TNRC6A: variants seen among roughly 807,000 people sequenced by gnomAD.
TNRC6A encodes the protein trinucleotide repeat containing adaptor 6A.
TNRC6A carries 44 observed loss-of-function variants against 221.2 expected under a neutral mutation model. The observed-to-expected ratio is 0.20, with a 90% CI of 0.16 to 0.26. The LOEUF is 0.26. Ranked by LOEUF, TNRC6A falls within the 10% of genes least tolerant of loss-of-function variation. The probability of loss-of-function intolerance (pLI) is 1.00; values close to 1 mark genes in which losing one functional copy is unlikely to be tolerated. For synonymous variants in TNRC6A, 847 were observed against 838.5 expected, an observed-to-expected ratio of 1.01 and a Z score of -0.18; for missense variants, 2,199 against 2,404.4, an observed-to-expected ratio of 0.91 and a Z score of 1.79.
chr16:24,789,602 A>C lies in TNRC6A; in HGVS notation c.960A>C (p.Ile320=), dbSNP rs1396577805. The C allele has an allele frequency of 2.5e-6, 4 of 1,614,152 alleles. No homozygotes were observed. Among genetic ancestry groups the C allele is most frequent in the Middle Eastern group, 1.6e-4 (1 of 6,062 alleles). Residue 320 remains isoleucine (I), a synonymous_variant, in exon 6 of 25, where the codon ATA becomes ATC. Transcript: ENST00000395799. ...CATGGGGTTTTTCCCATGGAGCCAT[A>C]ATAAGCACATGTCAGGTCTCTGTGG... The part of the protein sequence containing the change: ...TGPWGFSHGA[I]ISTCQVSVDA...
At chr16:24,756,932 T>C (rs977630930) in intron 3 of TNRC6A, among the ~76,000 whole-genome samples, 1 of 152,200 alleles carries the variant, frequency 6.6e-6, no homozygotes, top group African/African-American at 2.4e-5. Context: ...AAAAGAAATT[T>C]TCTGCTAATT....
At chr16:24,691,069 C>A (rs564034523) in intron 2 of TNRC6A, among the ~76,000 whole-genome samples, 1 of 152,260 alleles carries the variant, frequency 6.6e-6, no homozygotes, top group African/African-American at 2.4e-5. Flanking sequence ...CTCGGCCTCC[C>A]AAAGTGCTGG....
chr16:24,612,240 A>C (rs1900088291), intron 1 of TNRC6A, among the ~76,000 whole-genome samples: 1 of 152,202 alleles, frequency 6.6e-6, no homozygotes, highest in South Asian at 2.1e-4. Flanking sequence ...GTTCGGCAAG[A>C]AACTTTTAAC....
At position 24,790,347 on chromosome 16, in the gene TNRC6A, A is replaced by C; in HGVS notation, c.1705A>C (p.Lys569Gln). Residue 569 changes from lysine to glutamine, a missense_variant, in exon 6 of 25, where the codon AAA (lysine) becomes CAA (glutamine). By Grantham distance (53) the Lys-to-Gln change is moderately conservative (BLOSUM62 1). Around this residue, in one of 8 missense-constraint regions of TNRC6A, gnomAD observed 1,405 missense variants for 1,400.2 expected, o/e 1.00. Coordinates refer to ENST00000395799, the MANE Select transcript of TNRC6A (RefSeq NM_014494.4). ...CACTAACTTTCAAGTTAACACAAACAAAGGAGGTGGTGTGTGGGAATCTGG... is the reference window on the plus strand; with the variant it reads ...CACTAACTTTCAAGTTAACACAAACCAAGGAGGTGGTGTGTGGGAATCTGG... ...MGTNFQVNTN[K>Q]GGGVWESGAA... 6.2e-7 allele frequency: 1 copy of C among 1,614,196 alleles called. No individual in the cohort carries two copies. The highest frequency in any genetic ancestry group is 1.1e-5 in the South Asian group (1 of 91,082).
chr16:24,713,846 A>G (rs912439113), intron 2 of TNRC6A, among the ~76,000 whole-genome samples: 1 of 152,130 alleles, frequency 6.6e-6, no homozygotes, highest in African/African-American at 2.4e-5. Context: ...GGGTTTCGCC[A>G]TGTTGGCCAG....
chr16:24,725,838 A>G (rs1176260207), upstream of TNRC6A, among the ~76,000 whole-genome samples: 1 of 151,934 alleles, frequency 6.6e-6, no homozygotes, highest in Non-Finnish European at 1.5e-5. Flanking sequence ...TGTCTCTACT[A>G]AAAATACAAA....
chr16:24,672,450 TA>T (rs2055325157), intron 2 of TNRC6A, among the ~76,000 whole-genome samples: 1 of 151,402 alleles, frequency 6.6e-6, no homozygotes, highest in African/African-American at 2.4e-5. Flanking sequence ...TTTACTTGTT[TA>T]TTTTTTTTGA....
chr16:24,647,778 A>AT (rs1275093431), intron 2 of TNRC6A, among the ~76,000 whole-genome samples: 3 of 151,960 alleles, frequency 2.0e-5, no homozygotes, highest in African/African-American at 7.3e-5. Flanking sequence ...TGCCTGGCTA[A>AT]TTTTTGTATT....
intron 18 of TNRC6A, among the ~76,000 whole-genome samples, chr16:24,811,785 CA>C (rs1193149658): frequency 1.3e-5 from 2 of 151,680 alleles, no homozygotes; most frequent in African/African-American, 4.8e-5. Context: ...TAAGCAGCCT[CA>C]AATGTATGAT....
rs201286178 is a variant in TNRC6A, at chr16:24,824,875, CAAAAA to C, written c.*1073_*1077del. 6.7e-6 allele frequency: 1 copy of C among 149,334 alleles called. No individual in the cohort carries two copies. The highest frequency in any genetic ancestry group is 1.9e-4 in the East Asian group (1 of 5,130). The allele number at this position is 149,334 out of a possible 1,614,324, so 9.3% of individuals were successfully genotyped here. A position where few individuals can be genotyped will look rare whatever the true frequency, so the allele number is the denominator to read the frequency against. On this transcript the variant is annotated 3_prime_UTR_variant, in exon 25 of 25. Coordinates refer to ENST00000395799, the MANE Select transcript of TNRC6A (RefSeq NM_014494.4). ...TGCTCTGTTAAAGAATTTTCTCTGC[CAAAAA>C]AAAAGAAAAAACAAAAAAACGCTTA... is the stretch of plus-strand genomic sequence containing the variant.
At chr16:24,646,775 A>G (rs1413340384) in intron 2 of TNRC6A, among the ~76,000 whole-genome samples, 1 of 152,204 alleles carries the variant, frequency 6.6e-6, no homozygotes, top group Non-Finnish European at 1.5e-5. Context: ...CCAGGCTATT[A>G]GTTGGGTGGT....
chr16:24,708,283 C>G (rs956234915), intron 2 of TNRC6A, among the ~76,000 whole-genome samples: 11 of 150,774 alleles, frequency 7.3e-5, no homozygotes, highest in Non-Finnish European at 1.2e-4. Flanking sequence ...CTCTGTCGCC[C>G]AGGCTGGGGT....
chr16:24,766,718 C>G (rs2057481154), intron 4 of TNRC6A, among the ~76,000 whole-genome samples: 2 of 149,272 alleles, frequency 1.3e-5, no homozygotes, highest in African/African-American at 5.0e-5. Flanking sequence ...ACTCTGTCGC[C>G]CACGCTGGAG....
intron 3 of TNRC6A, among the ~76,000 whole-genome samples, chr16:24,751,506 T>C (rs964834356): frequency 2.0e-5 from 3 of 152,172 alleles, no homozygotes; most frequent in Non-Finnish European, 4.4e-5. Context: ...TTAAAAATTT[T>C]CCATTTAATT....
At chr16:24,743,378 G>A (rs929742714) in intron 2 of TNRC6A, among the ~76,000 whole-genome samples, 2 of 149,632 alleles carry the variant, frequency 1.3e-5, no homozygotes, top group Non-Finnish European at 1.5e-5. Flanking sequence ...CTGGAGTGCA[G>A]TGTGGAATGA....
In TNRC6A at chr16:24,790,572, A is replaced by G. The variant is rs1354767175; in HGVS notation, c.1930A>G (p.Thr644Ala). 1 of 1,614,252 alleles carries G rather than the reference A, an allele frequency of 6.2e-7. No homozygotes were observed. ...GACGTTTACAAATGGATGGAAATCT[A>G]CTGAGGAAGAGGATCAGGGTTCTGC... ...GKTFTNGWKS[T>A]EEEDQGSATS... is the part of the protein sequence containing the mutation. The change falls in exon 6 of 25, where the codon ACT becomes GCT. Residue 644 changes from threonine (T) to alanine (A), a missense_variant. Thr to Ala is a moderately conservative substitution (Grantham distance 58, BLOSUM62 0). Transcript: ENST00000395799.
rs2058852120 is a variant in TNRC6A, at chr16:24,825,954, G to T, written c.*2147G>T. On this transcript the variant is annotated 3_prime_UTR_variant, in exon 25 of 25. Transcript: ENST00000395799. ...TTCAGATCATGCTCCAACTTGCCAG[G>T]TGTGAGCTAATGTTGTCGGACACCT... 6.6e-6 allele frequency: 1 copy of T among 152,650 alleles called. No homozygotes were observed. 9.5% of individuals were successfully genotyped at this position (152,650 alleles called of 1,614,324 possible).
At chr16:24,744,137 T>G (rs116592758) in intron 2 of TNRC6A, among the ~76,000 whole-genome samples, 410 of 152,280 alleles carry the variant, frequency 2.7e-3, no homozygotes, top group African/African-American at 9.6e-3. Flanking sequence ...GTTATTTCCT[T>G]ATGACCTGAT....
intron 2 of TNRC6A, among the ~76,000 whole-genome samples, chr16:24,714,426 A>G (rs1260435318): frequency 1.4e-5 from 2 of 145,710 alleles, no homozygotes; most frequent in Non-Finnish European, 3.0e-5. Flanking sequence ...CTCCTGCCTC[A>G]GCCTCCCGAG....
Sources: allele counts gnomAD v4.1 joint callset (sites outside exome capture counted in the v4.1 genomes callset), GRCh38; gene constraint gnomAD v4.1.1; regional missense constraint gnomAD v4.1.1; transcripts MANE v1.5; gene names NCBI Gene and HGNC (gene_info 2026-07-23, HGNC 2026-07-21).